The following VTI1A variants were observed in gnomAD, a reference collection of about 807,000 sequenced individuals.
VTI1A encodes vesicle transport through interaction with t-SNAREs homolog 1A.
VTI1A carries 22 observed loss-of-function variants against 34.9 expected under a neutral mutation model. The ratio of observed to expected loss-of-function variants is 0.63; its 90% CI spans 0.45 to 0.90. The LOEUF (loss-of-function observed/expected upper bound fraction) is 0.90. VTI1A is among the 40% of genes least tolerant of loss of function. The pLI, the probability that VTI1A is intolerant of heterozygous loss-of-function variation, is 0.00. For missense variants in VTI1A, 268 were observed against 275.6 expected (o/e 0.97, Z 0.20); for synonymous variants, 87 against 97.3 (o/e 0.89, Z 0.62).
the VTI1A span, chr10:112,831,048 T>C: frequency 6.6e-6 from 1 of 151,090 alleles, no homozygotes; most frequent in East Asian, 2.0e-4. Context: ...CATTTTTTTT[T>C]CTAATATGCA....
At chr10:112,845,273 G>A in the VTI1A span, among the ~76,000 whole-genome samples, 3 of 152,182 alleles carry the variant, frequency 2.0e-5, no homozygotes, top group Admixed American at 1.3e-4. Context: ...GGGGCAGGAC[G>A]GCCAGGCAGA....
At chr10:112,576,755 GTACAGGGCTT>G (rs559300462) in intron 5 of VTI1A, among the ~76,000 whole-genome samples, 35 of 152,226 alleles carry the variant, frequency 2.3e-4, no homozygotes, top group African/African-American at 8.4e-4. Flanking sequence ...TGCCAAATAT[GTACAGGGCTT>G]TAGGCTATAT....
chr10:112,661,149 T>G (rs1343424814), intron 5 of VTI1A, among the ~76,000 whole-genome samples: 2 of 152,034 alleles, frequency 1.3e-5, no homozygotes, highest in African/African-American at 2.4e-5. Context: ...CACGGCTAAG[T>G]TTTTGTACTT....
In VTI1A at chr10:112,800,425, G is replaced by A. The variant is rs150833389; in HGVS notation, c.561-14865G>A. On this transcript the variant is annotated intron_variant, in intron 7 of 7. Transcript: ENST00000393077. ...ACCTGAGGCAGGAGGCTGCCTGCAT[G>A]TGGGGGTACAGCCAGACAAGGAGGA... Among the ~76,000 whole-genome samples, 4 of 152,386 alleles carry A rather than the reference G, an allele frequency of 2.6e-5. No homozygotes were observed. In the East Asian group the frequency reaches 7.7e-4, roughly 29 times the overall value.
At chr10:112,628,819 T>A (rs1014317209) in intron 5 of VTI1A, among the ~76,000 whole-genome samples, 1 of 152,198 alleles carries the variant, frequency 6.6e-6, no homozygotes, top group Non-Finnish European at 1.5e-5. Context: ...GAAAACCTTA[T>A]CTCCCAGAGA....
At chr10:112,794,707 G>A (rs187986206) in intron 7 of VTI1A, among the ~76,000 whole-genome samples, 13 of 151,834 alleles carry the variant, frequency 8.6e-5, no homozygotes, top group South Asian at 2.1e-4. Context: ...CATACTATAC[G>A]TACTATTTGT....
chr10:112,633,212 G>T (rs747506367), intron 5 of VTI1A, among the ~76,000 whole-genome samples: 2 of 152,048 alleles, frequency 1.3e-5, no homozygotes, highest in Admixed American at 1.3e-4. Flanking sequence ...CTAGGTCTTC[G>T]GCATCATCTG....
At chr10:112,799,437 T>A (rs4918778) in intron 7 of VTI1A, among the ~76,000 whole-genome samples, 1 of 152,064 alleles carries the variant, frequency 6.6e-6, no homozygotes, top group Non-Finnish European at 1.5e-5. Context: ...CTTATCTTGG[T>A]AAATCAGAAG....
chr10:112,645,513 G>A (rs746003522), intron 5 of VTI1A, among the ~76,000 whole-genome samples: 22 of 152,214 alleles, frequency 1.4e-4, no homozygotes, highest in Non-Finnish European at 2.8e-4. Context: ...ATTCATTGAA[G>A]AAGGCGTCCA....
chr10:112,454,476 C>G (rs1051085352), intron 1 of VTI1A, among the ~76,000 whole-genome samples: 3 of 152,092 alleles, frequency 2.0e-5, no homozygotes, highest in African/African-American at 7.2e-5. Flanking sequence ...GTGGCACGCA[C>G]CTGTCATCCC....
intron 5 of VTI1A, among the ~76,000 whole-genome samples, chr10:112,667,161 A>G (rs932601214): frequency 2.6e-5 from 4 of 152,152 alleles, no homozygotes; most frequent in African/African-American, 9.7e-5. Flanking sequence ...ATTACTTGTT[A>G]TTATTATAAT....
intron 7 of VTI1A, among the ~76,000 whole-genome samples, chr10:112,814,116 G>A (rs1209218811): frequency 1.3e-5 from 2 of 152,314 alleles, no homozygotes; most frequent in East Asian, 3.9e-4. Context: ...CTAGGAAGTA[G>A]AAAATACCCT....
rs11195991 is a variant in VTI1A at position 112,549,803 on chromosome 10, T to G, written c.427+11473T>G. Among the ~76,000 whole-genome samples the G allele has an allele frequency of 6.6e-3, 1,006 of 152,308 alleles. 12 individuals carry two copies. Among genetic ancestry groups the G allele is most frequent in the African/African-American group, 0.023 (972 of 41,566 alleles). On this transcript the variant is annotated intron_variant, in intron 5 of 7. Transcript: ENST00000393077. ...AGTTGCAGGATCATCATTTTTAATGTGTAGTTACCATTTACCTTACAGTTA... is the reference window on the plus strand; with the variant it reads ...AGTTGCAGGATCATCATTTTTAATGGGTAGTTACCATTTACCTTACAGTTA...
At chr10:112,849,898 G>C in the VTI1A span, among the ~76,000 whole-genome samples, 1 of 152,154 alleles carries the variant, frequency 6.6e-6, no homozygotes, top group African/African-American at 2.4e-5. Context: ...AAGGGCGAGG[G>C]TGTCCCTTAG....
intron 7 of VTI1A, among the ~76,000 whole-genome samples, chr10:112,675,185 A>G (rs1408692476): frequency 6.6e-6 from 1 of 152,194 alleles, no homozygotes; most frequent in East Asian, 1.9e-4. Flanking sequence ...GCACTCTCTG[A>G]TAGGTAGGTA....
chr10:112,831,194 G>GA, the VTI1A span: 1 of 152,050 alleles, frequency 6.6e-6, no homozygotes, highest in African/African-American at 2.4e-5. Flanking sequence ...TGAATGAATG[G>GA]GAGAGAACTT....
chr10:112,643,325 T>C (rs557334788), intron 5 of VTI1A, among the ~76,000 whole-genome samples: 2 of 152,136 alleles, frequency 1.3e-5, no homozygotes, highest in South Asian at 4.2e-4. Flanking sequence ...CTATTTCAAT[T>C]ATATTAAATT....
chr10:112,669,488 C>T (rs1297878086), intron 7 of VTI1A, among the ~76,000 whole-genome samples: 1 of 152,112 alleles, frequency 6.6e-6, no homozygotes, highest in Admixed American at 6.6e-5. Flanking sequence ...TCAAGATTAT[C>T]TGAATAATAT....
chr10:112,578,022 A>G (rs771301629), intron 5 of VTI1A, among the ~76,000 whole-genome samples: 3 of 152,214 alleles, frequency 2.0e-5, no homozygotes, highest in Admixed American at 1.3e-4. Flanking sequence ...CGGAAATACT[A>G]TGTAAATGTG....
Sources: allele counts gnomAD v4.1 joint callset (sites outside exome capture counted in the v4.1 genomes callset), GRCh38; gene constraint gnomAD v4.1.1; transcripts MANE v1.5; gene names NCBI Gene and HGNC (gene_info 2026-07-23, HGNC 2026-07-21).